Variants in SETD5 observed in about 807,000 individuals in gnomAD.
SETD5 encodes histone-lysine N-methyltransferase SETD5.
In SETD5, 44 loss-of-function variants were observed where a neutral mutation model predicts 153.3. The ratio of observed to expected loss-of-function variants is 0.29; its 90% CI spans 0.23 to 0.37. SETD5 has a LOEUF of 0.37. Ranked by LOEUF, SETD5 falls within the 10% of genes least tolerant of loss-of-function variation. The pLI is 1.00. For missense variants in SETD5, 1,544 were observed against 1,768.0 expected, an observed-to-expected ratio of 0.87 and a Z score of 2.27; for synonymous variants, 716 against 645.2, an observed-to-expected ratio of 1.11 and a Z score of -1.66.
At chr3:9,470,968 T>C (rs766809017) in intron 19 of SETD5, 39 bp downstream of exon 19, 54 of 1,107,998 alleles carry the variant, frequency 4.9e-5, no homozygotes, top group Non-Finnish European at 6.8e-5. Flanking sequence ...TTTTCAAGAA[T>C]GTTAACCAAG....
chr3:9,434,647 A>C lies in SETD5; in HGVS notation c.329+162A>C. On this transcript the variant is annotated intron_variant, in intron 5 of 22. Coordinates refer to ENST00000402198, the MANE Select transcript of SETD5 (RefSeq NM_001080517.3). The surrounding 1 kb of genome is among the most constrained non-coding windows in gnomAD (Gnocchi z 5.6). ...CTGCACTAGGTGAGAATTGCTGACAACAAGGAATGAGAGATTGATGTTAAA... is the reference window on the plus strand; with the variant it reads ...CTGCACTAGGTGAGAATTGCTGACACCAAGGAATGAGAGATTGATGTTAAA... 1 of 1,471,070 alleles carries C rather than the reference A, an allele frequency of 6.8e-7. No homozygotes were observed. The highest frequency in any genetic ancestry group is 9.0e-7 in the Non-Finnish European group (1 of 1,111,634). The allele number at this position is 1,471,070 out of a possible 1,614,324, so 91.1% of individuals were successfully genotyped here.
At chr3:9,415,509 T>C (rs1394283321) in intron 1 of SETD5, among the ~76,000 whole-genome samples, 8 of 152,198 alleles carry the variant, frequency 5.3e-5, no homozygotes, top group Non-Finnish European at 2.9e-5. Context: ...TTTATTTTGC[T>C]CAGTAACCTA....
At chr3:9,415,618 T>A (rs2037297279) in intron 1 of SETD5, among the ~76,000 whole-genome samples, 1 of 152,174 alleles carries the variant, frequency 6.6e-6, no homozygotes. Flanking sequence ...GATCTCCTTG[T>A]CACCCAGGCT....
intron 21 of SETD5, 53 bp downstream of exon 21, chr3:9,474,635 C>T (rs1158837511): frequency 1.9e-6 from 3 of 1,601,964 alleles, no homozygotes; most frequent in Non-Finnish European, 2.6e-6. Flanking sequence ...TGAGCCGAGT[C>T]CTGTACAGTT....
intron 1 of SETD5, 89 bp downstream of exon 1, chr3:9,398,066 T>C (rs2033975889): frequency 6.6e-6 from 1 of 152,118 alleles, no homozygotes; most frequent in South Asian, 2.1e-4. Flanking sequence ...GCGCTCGCTC[T>C]CCTTGGGTCG....
intron 18 of SETD5, chr3:9,468,492 A>G (rs1306982604): frequency 5.4e-6 from 7 of 1,303,680 alleles, no homozygotes; most frequent in African/African-American, 1.5e-5. Flanking sequence ...TAGATGAATA[A>G]TAACAAGATG....
Position 9,475,991 on chromosome 3 carries a change from A to T in SETD5, c.4229A>T (p.Asn1410Ile). The T allele has an allele frequency of 6.2e-7, 1 of 1,613,994 alleles. No homozygotes were observed. The highest frequency in any genetic ancestry group is 1.1e-5 in the South Asian group (1 of 91,082). The change falls in exon 23 of 23, where the codon AAT becomes ATT. Residue 1410 changes from asparagine (N) to isoleucine (I), a missense_variant. Around this residue, in one of 9 missense-constraint regions of SETD5, gnomAD observed 302 missense variants for 277.6 expected, o/e 1.09. Transcript: ENST00000402198. Reference sequence around the variant, plus strand: ...GCCTCCAGGGTATCTGCGGTTTCCAATTCACAGCACTACCCACACCGTGGG... The same window carrying T: ...GCCTCCAGGGTATCTGCGGTTTCCATTTCACAGCACTACCCACACCGTGGG... ...YQASRVSAVS[N>I]SQHYPHRGSG...
At chr3:9,460,281 G>T (rs2043798898) in intron 17 of SETD5, among the ~76,000 whole-genome samples, 1 of 150,608 alleles carries the variant, frequency 6.6e-6, no homozygotes, top group East Asian at 1.9e-4. Flanking sequence ...AAAAACTAAA[G>T]AACTCTGGAG....
intron 1 of SETD5, among the ~76,000 whole-genome samples, chr3:9,398,773 C>G (rs1281597975): frequency 6.6e-6 from 1 of 152,070 alleles, no homozygotes; most frequent in Non-Finnish European, 1.5e-5. Flanking sequence ...AGCCCTGGTT[C>G]AAGTAGGTAA....
chr3:9,468,602 C>G (rs1210401720), intron 18 of SETD5: 1 of 1,303,236 alleles, frequency 7.7e-7, no homozygotes, highest in African/African-American at 1.5e-5. Flanking sequence ...CTCAATCACA[C>G]TTGGAGGCTG....
Position 9,452,468 on chromosome 3 carries a change from G to A in SETD5, c.2347-1271G>A, listed in dbSNP as rs963482757. 7.9e-5 allele frequency among the ~76,000 whole-genome samples: 12 copies of A among 152,038 alleles called. 1 individual carries two copies. The highest frequency in any genetic ancestry group is 4.1e-4 in the South Asian group (2 of 4,822). On this transcript the variant is annotated intron_variant, in intron 16 of 22. Coordinates refer to ENST00000402198, the MANE Select transcript of SETD5 (RefSeq NM_001080517.3). ...CTGTATCTAAGATAGTTCATTCTTC[G>A]GATTTTTTATTTTGTTTTTGTGTTT...
chr3:9,474,922 C>A, intron 21 of SETD5, 146 bp from the exon 22 acceptor site: 1 of 693,112 alleles, frequency 1.4e-6, no homozygotes, highest in Non-Finnish European at 2.4e-6. Flanking sequence ...CTCATTTTGC[C>A]CTTCTGGCAT....
intron 1 of SETD5, among the ~76,000 whole-genome samples, chr3:9,413,351 G>A (rs1337328328): frequency 6.6e-6 from 1 of 152,172 alleles, no homozygotes; most frequent in Non-Finnish European, 1.5e-5. Flanking sequence ...TGTGTTCAGT[G>A]TGCAATAGGT....
chr3:9,444,400 G>A (rs1271751629), intron 11 of SETD5, among the ~76,000 whole-genome samples: 1 of 152,052 alleles, frequency 6.6e-6, no homozygotes, highest in Non-Finnish European at 1.5e-5. Context: ...TTAAGAAGTA[G>A]GGAATTAGTA....
chr3:9,462,078 C>T (rs994283618), intron 17 of SETD5, among the ~76,000 whole-genome samples: 4 of 152,126 alleles, frequency 2.6e-5, no homozygotes. Context: ...ATTCTTCCCT[C>T]TTCATCTAAA....
At chr3:9,400,611 T>G (rs1283519898) in intron 1 of SETD5, among the ~76,000 whole-genome samples, 1 of 152,250 alleles carries the variant, frequency 6.6e-6, no homozygotes, top group African/African-American at 2.4e-5. Context: ...TGTATATTAG[T>G]AATAAACTTC....
At chr3:9,441,869 C>T in intron 9 of SETD5, 128 bp downstream of exon 9, 6 of 1,141,990 alleles carry the variant, frequency 5.3e-6, no homozygotes, top group East Asian at 2.4e-5. Flanking sequence ...AAGCTCACAC[C>T]TGTCTGCTAT....
chr3:9,425,531 C>G (rs897452243), intron 2 of SETD5, among the ~76,000 whole-genome samples: 5 of 150,096 alleles, frequency 3.3e-5, no homozygotes, highest in Non-Finnish European at 7.4e-5. Context: ...AAAATATCAA[C>G]TATCATCTTG....
At chr3:9,451,691 C>T (rs561212940) in intron 16 of SETD5, among the ~76,000 whole-genome samples, 2 of 152,248 alleles carry the variant, frequency 1.3e-5, no homozygotes, top group East Asian at 3.9e-4. Context: ...AGGAGTCTGC[C>T]CACCTTGGCC....
Sources: allele counts gnomAD v4.1 joint callset (sites outside exome capture counted in the v4.1 genomes callset), GRCh38; gene constraint gnomAD v4.1.1; regional missense constraint gnomAD v4.1.1; non-coding constraint Gnocchi (gnomAD v3.1); transcripts MANE v1.5; gene names NCBI Gene and HGNC (gene_info 2026-07-23, HGNC 2026-07-21).